Variants in PHLDB1 observed in about 807,000 individuals in gnomAD.
The protein encoded by PHLDB1 is pleckstrin homology-like domain family B member 1.
A neutral mutation model predicts 139.3 loss-of-function variants in PHLDB1; 65 were observed. The observed-to-expected ratio is 0.47, with a 90% CI of 0.38 to 0.57. The LOEUF is 0.57. Ranked by LOEUF, PHLDB1 falls within the 20% of genes least tolerant of loss-of-function variation. The pLI, the probability that PHLDB1 is intolerant of heterozygous loss-of-function variation, is 0.00. For missense variants in PHLDB1, 1,624 were observed against 1,839.7 expected (o/e 0.88, Z 2.14); for synonymous variants, 679 against 734.5 (o/e 0.92, Z 1.22).
intron 4 of PHLDB1, among the ~76,000 whole-genome samples, chr11:118,616,620 C>T (rs571206395): frequency 2.0e-5 from 3 of 152,306 alleles, no homozygotes; most frequent in African/African-American, 7.2e-5. Context: ...GACAATACTT[C>T]CTGATGGGGA....
At chr11:118,651,575 T>G (rs1948348079) in intron 20 of PHLDB1, 1 of 148,478 alleles carries the variant, frequency 6.7e-6, no homozygotes, top group Admixed American at 6.7e-5. Flanking sequence ...GATCACGAGG[T>G]CAAGAGATTG....
Position 118,650,468 on chromosome 11 carries a change from G to T in PHLDB1, c.3795G>T (p.Lys1265Asn). The T allele has an allele frequency of 6.2e-7, 1 of 1,614,086 alleles. No homozygotes were observed. The highest frequency in any genetic ancestry group is 8.5e-7 in the Non-Finnish European group (1 of 1,179,910). The change falls in exon 20 of 23, where the codon AAG (lysine) becomes AAT (asparagine). Residue 1265 changes from lysine to asparagine, a missense_variant. Transcript: ENST00000600882. This position sits in a 1 kb window ranked among gnomAD's most constrained non-coding sequence, Gnocchi z 4.7. ...SSKVCRGYLV[K>N]MGGKIKSWKK... Reference sequence around the variant, plus strand: ...AGGTCTGCCGTGGCTACTTGGTCAAGATGGGCGGCAAGATTAAATCATGGA... The same window carrying T: ...AGGTCTGCCGTGGCTACTTGGTCAATATGGGCGGCAAGATTAAATCATGGA...
In PHLDB1 at chr11:118,643,849, C is replaced by G; in HGVS notation, c.2927C>G (p.Thr976Ser). Reference sequence around the variant, plus strand: ...GAGGCCACCAGCCCCCTTCCCCGGACCCGCAGCGGCCCCCTCCCCTCCTCC... The same window carrying G: ...GAGGCCACCAGCCCCCTTCCCCGGAGCCGCAGCGGCCCCCTCCCCTCCTCC... ...DGEATSPLPRTRSGPLPSSSG... is the reference protein window; with the variant it reads ...DGEATSPLPRSRSGPLPSSSG... Residue 976 changes from threonine (T) to serine (S), a missense_variant, in exon 14 of 23, where the codon ACC becomes AGC. Transcript: ENST00000600882. 6.2e-7 allele frequency: 1 copy of G among 1,613,818 alleles called. No individual in the cohort carries two copies. The highest frequency in any genetic ancestry group is 8.5e-7 in the Non-Finnish European group (1 of 1,179,816).
At chr11:118,636,687 A>G (rs1945711828) in intron 10 of PHLDB1, 1 of 152,224 alleles carries the variant, frequency 6.6e-6, no homozygotes, top group Non-Finnish European at 1.5e-5. Flanking sequence ...TAAGCTTCAG[A>G]GTCAGAATTG....
chr11:118,617,189 C>T (rs1043513039), intron 4 of PHLDB1, among the ~76,000 whole-genome samples: 18 of 152,150 alleles, frequency 1.2e-4, no homozygotes, highest in African/African-American at 4.1e-4. Flanking sequence ...GGCATCAGTT[C>T]ATACAGTGAG....
rs1555080727 is a variant in PHLDB1, at chr11:118,608,501, C to T, written c.-22+802C>T. On this transcript the variant is annotated intron_variant, in intron 1 of 22. Coordinates refer to ENST00000600882, the MANE Select transcript of PHLDB1 (RefSeq NM_001144758.3). The surrounding 1 kb of genome is among the most constrained non-coding windows in gnomAD (Gnocchi z 6.7). ...TCGCCCGCTAGCGCTTCCGCCGAGG[C>T]AGGCTCGAGTGGGGACTTGGCCGGG... 6.6e-6 allele frequency among the ~76,000 whole-genome samples: 1 copy of T among 152,160 alleles called. No individual in the cohort carries two copies. The highest frequency in any genetic ancestry group is 1.5e-5 in the Non-Finnish European group (1 of 67,996).
In PHLDB1 at chr11:118,645,205, C is replaced by A. The variant is rs1555125951; in HGVS notation, c.3122-151C>A. 4 of 536,018 alleles carry A rather than the reference C, an allele frequency of 7.5e-6. No homozygotes were observed. The highest frequency in any genetic ancestry group is 3.7e-5 in the Admixed American group (1 of 27,086). 33.2% of individuals were successfully genotyped at this position (536,018 alleles called of 1,614,324 possible). On this transcript the variant is annotated intron_variant, in intron 15 of 22. Transcript: ENST00000600882. The surrounding 1 kb of genome is among the most constrained non-coding windows in gnomAD (Gnocchi z 5.1). ...ATTGGCAGAGCAGCCAGGCCTGGAG[C>A]TGCAGGGGCCTTAGGGAAGCTGCGG...
chr11:118,629,684 C>T (rs1222065666), intron 6 of PHLDB1, among the ~76,000 whole-genome samples: 1 of 152,084 alleles, frequency 6.6e-6, no homozygotes, highest in Non-Finnish European at 1.5e-5. Context: ...GAGGCGGATC[C>T]CATCTTTTCC....
intron 12 of PHLDB1, chr11:118,639,542 A>G: frequency 2.0e-6 from 1 of 507,210 alleles, no homozygotes; most frequent in South Asian, 2.3e-5. Context: ...TAGACAGCTC[A>G]GAGGCTTGGT....
In PHLDB1 at chr11:118,656,746, C is replaced by T; in HGVS notation, c.4057C>T (p.Pro1353Ser). 5 of 1,613,418 alleles carry T rather than the reference C, an allele frequency of 3.1e-6. No homozygotes were observed. Among genetic ancestry groups the T allele is most frequent in the Admixed American group, 3.3e-5 (2 of 60,018 alleles). Residue 1353 changes from proline (P) to serine (S), a missense_variant, in exon 23 of 23, where the codon CCA (proline) becomes TCA (serine). Transcript: ENST00000600882. Reference protein sequence around the residue: ...THDRLYYMVAPSAEAMRIWMD... With the variant: ...THDRLYYMVASSAEAMRIWMD... ...TGACCGGCTGTACTACATGGTGGCC[C>T]CATCTGCAGAGGCCATGCGTATCTG...
At chr11:118,623,247 C>T (rs944445476) in intron 4 of PHLDB1, among the ~76,000 whole-genome samples, 7 of 152,026 alleles carry the variant, frequency 4.6e-5, no homozygotes, top group Non-Finnish European at 7.4e-5. Context: ...AGGCCGGGGG[C>T]CAGGGGTGTG....
At chr11:118,616,003 G>T in intron 3 of PHLDB1, 38 bp from the exon 4 acceptor site, 1 of 1,575,898 alleles carries the variant, frequency 6.3e-7, no homozygotes, top group Non-Finnish European at 8.7e-7. Context: ...TCCTCAGCCT[G>T]GACAACCCCT....
chr11:118,624,590 CTTTTTTTTTTTTTT>C (rs67582556), intron 4 of PHLDB1: 5 of 133,176 alleles, frequency 3.8e-5, no homozygotes, highest in South Asian at 7.0e-5. Flanking sequence ...TTCTTCCTTT[CTTTTTTTTTTTTTT>C]TTTTTTTTTT....
rs1941570835 is a variant in PHLDB1, at chr11:118,616,030, C to G, written c.185-11C>G. The G allele has an allele frequency of 2.5e-6, 4 of 1,609,024 alleles. No homozygotes were observed. Among genetic ancestry groups the G allele is most frequent in the Non-Finnish European group, 2.5e-6 (3 of 1,176,974 alleles). ...ACAACCCCTCTGATTCAGTTTGCCT[C>G]TTGTCTCCAGGGAGGACGGTGATTG... is the stretch of plus-strand genomic sequence containing the variant. On this transcript the variant is annotated splice_polypyrimidine_tract_variant and intron_variant, in intron 3 of 22. Coordinates refer to ENST00000600882, the MANE Select transcript of PHLDB1 (RefSeq NM_001144758.3).
chr11:118,647,816 C>T (rs1354357809), intron 17 of PHLDB1, 114 bp from the exon 18 acceptor site: 1 of 1,154,980 alleles, frequency 8.7e-7, no homozygotes, highest in African/African-American at 1.5e-5. Context: ...ATGATGCCTC[C>T]TCATGCCAGA....
At chr11:118,630,112 T>C (rs1555108596) in intron 6 of PHLDB1, 1 of 1,226,006 alleles carries the variant, frequency 8.2e-7, no homozygotes, top group Admixed American at 2.3e-5. Context: ...TCTCCAGCCT[T>C]CTCTCCACTT....
chr11:118,645,609 C>CA lies in PHLDB1; in HGVS notation c.3376dup (p.Thr1126AsnfsTer10). On this transcript the variant is annotated frameshift_variant, in exon 16 of 23. Transcript: ENST00000600882. LOFTEE classifies it high-confidence loss of function. This position sits in a 1 kb window ranked among gnomAD's most constrained non-coding sequence, Gnocchi z 5.1. The stretch of plus-strand genomic sequence containing the variant: ...CTGACAGCATGGAGACCAGCATCTC[C>CA]ACCGGGGGCAACTCGGCCTGCTCCC... 1 of 1,613,304 alleles carries CA rather than the reference C, an allele frequency of 6.2e-7. No individual in the cohort carries two copies. The highest frequency in any genetic ancestry group is 8.5e-7 in the Non-Finnish European group (1 of 1,179,398).
chr11:118,644,111 C>T lies in PHLDB1; in HGVS notation c.3058C>T (p.Arg1020Cys), dbSNP rs782530871. 12 of 1,613,794 alleles carry T rather than the reference C, an allele frequency of 7.4e-6. No individual in the cohort carries two copies. The highest frequency in any genetic ancestry group is 2.2e-5 in the East Asian group (1 of 44,896). Residue 1020 changes from arginine to cysteine, a missense_variant, in exon 15 of 23, where the codon CGC becomes TGC. Coordinates refer to ENST00000600882, the MANE Select transcript of PHLDB1 (RefSeq NM_001144758.3). ...CCAGAATGGCACGGGCAGCCTTCCT[C>T]GCAACCTGGCAGCCACACTGCAGGA... ...LTQNGTGSLP[R>C]NLAATLQDIE... is the part of the protein sequence containing the mutation.
chr11:118,648,495 G>A (rs1309019848), intron 18 of PHLDB1, among the ~76,000 whole-genome samples: 4 of 151,946 alleles, frequency 2.6e-5, no homozygotes, highest in Admixed American at 6.6e-5. Context: ...ATGAGCCTGC[G>A]CTGCACCTTC....
Sources: gnomAD v4.1 joint callset for allele counts (sites outside exome capture counted in the v4.1 genomes callset) on GRCh38, gnomAD v4.1.1 for gene constraint, Gnocchi (gnomAD v3.1) non-coding constraint, MANE v1.5 for transcripts, NCBI Gene and HGNC (gene_info 2026-07-23, HGNC 2026-07-21) for gene names.